The following KIAA0825 variants were observed in gnomAD, a reference collection of about 807,000 sequenced individuals.
The protein encoded by KIAA0825 is uncharacterized protein KIAA0825.
A neutral mutation model predicts 147.6 loss-of-function variants in KIAA0825; 119 were observed. The ratio of observed to expected loss-of-function variants is 0.81; its 90% CI spans 0.69 to 0.94. The LOEUF (loss-of-function observed/expected upper bound fraction) is 0.94. Among genes scored for constraint, KIAA0825 ranks in the 40% least tolerant of loss-of-function variants. KIAA0825 has a pLI of 0.00. For synonymous variants in KIAA0825, 470 were observed against 518.1 expected, an observed-to-expected ratio of 0.91 and a Z score of 1.26; for missense variants, 1,381 against 1,472.7, an observed-to-expected ratio of 0.94 and a Z score of 1.02.
At chr5:94,446,056 A>G (rs1054330215) in intron 13 of KIAA0825, among the ~76,000 whole-genome samples, 10 of 152,186 alleles carry the variant, frequency 6.6e-5, no homozygotes, top group African/African-American at 1.9e-4. Context: ...TCCTGAGGAT[A>G]CTAGAAGTCA....
chr5:94,384,488 T>C, intron 19 of KIAA0825, 30 bp from the exon 20 acceptor site: 1 of 1,500,034 alleles, frequency 6.7e-7, no homozygotes, highest in Non-Finnish European at 9.1e-7. Flanking sequence ...AAGACACTAT[T>C]GTTAGTTATT....
At chr5:94,194,538 G>T (rs1281757623) in intron 20 of KIAA0825, among the ~76,000 whole-genome samples, 1 of 152,152 alleles carries the variant, frequency 6.6e-6, no homozygotes, top group Non-Finnish European at 1.5e-5. Context: ...AATCCAAAGT[G>T]GAGTGAATAT....
chr5:94,314,306 G>T (rs1170713723), intron 20 of KIAA0825, among the ~76,000 whole-genome samples: 1 of 151,500 alleles, frequency 6.6e-6, no homozygotes, highest in African/African-American at 2.4e-5. Flanking sequence ...ACCTCACATG[G>T]ATAACAGCAG....
intron 20 of KIAA0825, among the ~76,000 whole-genome samples, chr5:94,234,003 T>C (rs1774883195): frequency 6.6e-6 from 1 of 152,352 alleles, no homozygotes; most frequent in South Asian, 2.1e-4. Context: ...CAGCATGTGC[T>C]CATTTCATGT....
At chr5:94,445,110 C>T (rs781245395) in intron 13 of KIAA0825, among the ~76,000 whole-genome samples, 5 of 152,112 alleles carry the variant, frequency 3.3e-5, no homozygotes, top group Non-Finnish European at 7.4e-5. Context: ...AAGTTAACTC[C>T]TTGGTGCCAT....
chr5:94,451,236 A>G (rs1758360272), intron 13 of KIAA0825, among the ~76,000 whole-genome samples: 1 of 151,852 alleles, frequency 6.6e-6, no homozygotes, highest in African/African-American at 2.4e-5. Context: ...CCCTTTAATC[A>G]CTCCACAGTA....
chr5:94,248,242 G>C (rs1223545281), intron 20 of KIAA0825, among the ~76,000 whole-genome samples: 1 of 152,038 alleles, frequency 6.6e-6, no homozygotes, highest in Non-Finnish European at 1.5e-5. Flanking sequence ...AACAACAAAA[G>C]CCTCTCATTC....
At chr5:94,330,316 C>T (rs1387738680) in intron 20 of KIAA0825, among the ~76,000 whole-genome samples, 1 of 152,082 alleles carries the variant, frequency 6.6e-6, no homozygotes, top group Non-Finnish European at 1.5e-5. Context: ...AGACCATATT[C>T]TGGGCCGTAT....
chr5:94,182,352 T>TG (rs1372280823), intron 20 of KIAA0825, among the ~76,000 whole-genome samples: 1 of 139,190 alleles, frequency 7.2e-6, no homozygotes, highest in Admixed American at 7.9e-5. Flanking sequence ...CTCCGCCTCC[T>TG]GGGTTCCAGA....
intron 20 of KIAA0825, among the ~76,000 whole-genome samples, chr5:94,214,073 C>G (rs1040232148): frequency 2.6e-5 from 4 of 152,048 alleles, no homozygotes; most frequent in African/African-American, 9.7e-5. Flanking sequence ...GCCAGCTGGT[C>G]TCAAACTCCT....
rs949787848 is a variant in KIAA0825, at chr5:94,519,888, TAAAC to T, written c.970+356_970+359del. The T allele has an allele frequency of 1.9e-5, 12 of 624,060 alleles. No individual in the cohort carries two copies. In the African/African-American group the frequency reaches 2.2e-4, roughly 11 times the overall value. The allele number at this position is 624,060 out of a possible 1,614,324, so 38.7% of individuals were successfully genotyped here. On this transcript the variant is annotated intron_variant, in intron 5 of 20. Coordinates refer to ENST00000682413, the MANE Select transcript of KIAA0825 (RefSeq NM_001145678.3). Reference sequence around the variant, plus strand: ...TGCTTATATATATGCGTATATTTAATAAACAGATAAAGGAGCTTATATGTGTATA... The same window carrying T: ...TGCTTATATATATGCGTATATTTAATAGATAAAGGAGCTTATATGTGTATA...
intron 5 of KIAA0825, among the ~76,000 whole-genome samples, chr5:94,498,060 A>G (rs948383995): frequency 2.0e-5 from 3 of 152,170 alleles, no homozygotes; most frequent in Non-Finnish European, 2.9e-5. Flanking sequence ...CATTCAGGTA[A>G]TCTTACACAT....
intron 5 of KIAA0825, among the ~76,000 whole-genome samples, chr5:94,493,879 A>G (rs1764025119): frequency 6.6e-6 from 1 of 152,082 alleles, no homozygotes; most frequent in South Asian, 2.1e-4. Context: ...TGATCTAAAG[A>G]GAGGTAGATG....
chr5:94,192,649 C>T (rs1770777782), intron 20 of KIAA0825, among the ~76,000 whole-genome samples: 1 of 152,068 alleles, frequency 6.6e-6, no homozygotes, highest in South Asian at 2.1e-4. Flanking sequence ...GCGCCAGTGG[C>T]AGAATGTTTG....
At chr5:94,308,026 G>A (rs1778858883) in intron 20 of KIAA0825, among the ~76,000 whole-genome samples, 2 of 151,736 alleles carry the variant, frequency 1.3e-5, no homozygotes. Context: ...AAGAACATGA[G>A]TCTTTTTCAC....
chr5:94,526,041 C>T (rs892453033), intron 3 of KIAA0825, among the ~76,000 whole-genome samples: 1 of 151,984 alleles, frequency 6.6e-6, no homozygotes, highest in Non-Finnish European at 1.5e-5. Flanking sequence ...GTCTGCCACT[C>T]ACCAATGCCT....
At chr5:94,486,941 T>G (rs1763124215) in intron 5 of KIAA0825, among the ~76,000 whole-genome samples, 1 of 152,200 alleles carries the variant, frequency 6.6e-6, no homozygotes, top group Non-Finnish European at 1.5e-5. Flanking sequence ...CTCAATAGTT[T>G]CACTAGAAAT....
chr5:94,520,957 T>G, intron 4 of KIAA0825, 40 bp from the exon 5 acceptor site: 1 of 1,410,242 alleles, frequency 7.1e-7, no homozygotes, highest in Middle Eastern at 1.8e-4. Context: ...TTAAGTGCAA[T>G]AGAAAAAATG....
rs1378457407 is a variant in KIAA0825 at position 94,260,952 on chromosome 5, TATCTC to T, written c.3711-106833_3711-106829del. Among the ~76,000 whole-genome samples the T allele has an allele frequency of 3.9e-5, 6 of 152,296 alleles. No individual in the cohort carries two copies. In the South Asian group the frequency reaches 1.2e-3, roughly 32 times the overall value. ...TGTTTTAATCATGGTCCATTTTTCT[TATCTC>T]ATCTGAAAATAATACAGGGTAGAAT... is the stretch of plus-strand genomic sequence containing the variant. On this transcript the variant is annotated intron_variant, in intron 20 of 20. Transcript: ENST00000682413.
Sources: gnomAD v4.1 joint callset for allele counts (sites outside exome capture counted in the v4.1 genomes callset) on GRCh38, gnomAD v4.1.1 for gene constraint, MANE v1.5 for transcripts, NCBI Gene and HGNC (gene_info 2026-07-23, HGNC 2026-07-21) for gene names.